The following BNIP5 variants were observed in gnomAD, a reference collection of about 807,000 sequenced individuals.
The protein encoded by BNIP5 is BCL2 interacting protein 5.
A neutral mutation model predicts 67.3 loss-of-function variants in BNIP5; 61 were observed. That is an observed-to-expected ratio of 0.91 (90% CI 0.74 to 1.12). The LOEUF (loss-of-function observed/expected upper bound fraction) is 1.12, where lower values mean the gene tolerates loss of function less well. Among genes scored for constraint, BNIP5 ranks in the 50% most tolerant of loss-of-function variants. The pLI is 0.00. For synonymous variants in BNIP5, 317 were observed against 319.0 expected, an observed-to-expected ratio of 0.99 and a Z score of 0.07; for missense variants, 826 against 816.3, an observed-to-expected ratio of 1.01 and a Z score of -0.14.
Position 36,330,355 on chromosome 6 carries a change from A to G in BNIP5, c.336T>C (p.Pro112=). 2 of 1,613,900 alleles carry G rather than the reference A, an allele frequency of 1.2e-6. No individual in the cohort carries two copies. Among genetic ancestry groups the G allele is most frequent in the Admixed American group, 1.7e-5 (1 of 60,006 alleles). ...TGCTGGCCTTTTCTCTGGGCTCCTC[A>G]GGGCCCGTCCTCACGAAGAAGTTCA... The part of the protein sequence containing the change: ...TMLNFFVRTG[P]EEPREKASRR... The change falls in exon 2 of 12, where the codon CCT becomes CCC. Residue 112 remains proline, a synonymous_variant. Coordinates refer to ENST00000437635, the MANE Select transcript of BNIP5 (RefSeq NM_001010903.5).
chr6:36,325,157 C>T, intron 6 of BNIP5, 126 bp downstream of exon 6: 8 of 1,058,236 alleles, frequency 7.6e-6, no homozygotes, highest in South Asian at 7.1e-5. Flanking sequence ...CCTCCCCAGC[C>T]TGCTGTACTC....
intron 1 of BNIP5, among the ~76,000 whole-genome samples, chr6:36,333,649 C>T (rs1245737833): frequency 2.6e-5 from 4 of 152,182 alleles, no homozygotes; most frequent in African/African-American, 2.4e-5. Flanking sequence ...TCTCTGAATG[C>T]GCAGGAATAA....
rs1561878776 is a variant in BNIP5, at chr6:36,316,122, G to T, written c.*1234C>A. 1 of 168,764 alleles carries T rather than the reference G, an allele frequency of 5.9e-6. No homozygotes were observed. The highest frequency in any genetic ancestry group is 1.3e-5 in the Non-Finnish European group (1 of 79,478). 10.5% of individuals were successfully genotyped at this position (168,764 alleles called of 1,614,324 possible). On this transcript the variant is annotated 3_prime_UTR_variant, in exon 12 of 12. Transcript: ENST00000437635. The stretch of plus-strand genomic sequence containing the variant: ...ACCCAGGGCCTCTCCGCTCTAGACT[G>T]CTCCTCCTCCCCAGTCCTACCCCAT...
intron 10 of BNIP5, 22 bp from the exon 11 acceptor site, chr6:36,319,632 G>C: frequency 6.2e-7 from 1 of 1,600,732 alleles, no homozygotes; most frequent in Non-Finnish European, 8.5e-7. Flanking sequence ...AATGAAAACA[G>C]GTCATTAGTG....
intron 9 of BNIP5, 105 bp from the exon 10 acceptor site, chr6:36,321,324 T>C: frequency 1.2e-6 from 1 of 819,420 alleles, no homozygotes; most frequent in Non-Finnish European, 2.1e-6. Flanking sequence ...AAAGACAATA[T>C]TTTCTCTCTA....
Position 36,319,447 on chromosome 6 carries a change from A to G in BNIP5, c.1832T>C (p.Phe611Ser). ...YQFDVSLANK[F>S]AGSNSHAMCI... ...CATGGCATGGCTGTTGCTGCCAGCAAATTTGTTAGCTAAGCTAACGTCAAA... is the reference window on the plus strand; with the variant it reads ...CATGGCATGGCTGTTGCTGCCAGCAGATTTGTTAGCTAAGCTAACGTCAAA... The change falls in exon 11 of 12, where the codon TTT becomes TCT. Residue 611 changes from phenylalanine to serine, a missense_variant. Coordinates refer to ENST00000437635, the MANE Select transcript of BNIP5 (RefSeq NM_001010903.5). The G allele has an allele frequency of 1.2e-6, 2 of 1,614,158 alleles. No individual in the cohort carries two copies. Among genetic ancestry groups the G allele is most frequent in the Non-Finnish European group, 1.7e-6 (2 of 1,180,018 alleles).
Position 36,330,373 on chromosome 6 carries a change from G to C in BNIP5, c.318C>G (p.Phe106Leu). 1 of 1,614,186 alleles carries C rather than the reference G, an allele frequency of 6.2e-7. No homozygotes were observed. The highest frequency in any genetic ancestry group is 2.2e-5 in the East Asian group (1 of 44,880). ...GCTCCTCAGGGCCCGTCCTCACGAA[G>C]AAGTTCAGCATGGTCTTCAGCCACC... Reference protein sequence around the residue: ...KKGWLKTMLNFFVRTGPEEPR... With the variant: ...KKGWLKTMLNLFVRTGPEEPR... Residue 106 changes from phenylalanine to leucine, a missense_variant, in exon 2 of 12, where the codon TTC (phenylalanine) becomes TTG (leucine). Physicochemically the swap from Phe to Leu is conservative, Grantham distance 22. Coordinates refer to ENST00000437635, the MANE Select transcript of BNIP5 (RefSeq NM_001010903.5).
At chr6:36,333,999 G>A (rs1771959731) in intron 1 of BNIP5, among the ~76,000 whole-genome samples, 1 of 152,290 alleles carries the variant, frequency 6.6e-6, no homozygotes, top group Middle Eastern at 3.4e-3. Flanking sequence ...GAGGACCGGC[G>A]CTTCCTTACC....
At chr6:36,336,244 A>T (rs1339670625) in intron 1 of BNIP5, among the ~76,000 whole-genome samples, 1 of 152,242 alleles carries the variant, frequency 6.6e-6, no homozygotes, top group Admixed American at 6.5e-5. Flanking sequence ...ACCATAGGTC[A>T]TAATAACACC....
At position 36,325,319 on chromosome 6, in the gene BNIP5, C is replaced by T; in HGVS notation, c.1132G>A (p.Gly378Arg). 1.2e-6 allele frequency: 2 copies of T among 1,614,204 alleles called. No homozygotes were observed. The highest frequency in any genetic ancestry group is 1.7e-6 in the Non-Finnish European group (2 of 1,180,028). Residue 378 changes from glycine (G) to arginine (R), a missense_variant, in exon 6 of 12, where the codon GGA becomes AGA. Transcript: ENST00000437635. ...GCTCTGTCCAGCGGAAGCTCCTCTC[C>T]AGGTTCCTGGCTCTCTGATGGGGTG... is the stretch of plus-strand genomic sequence containing the variant. ...LPTPSESQEP[G>R]EELPLDRASE...
chr6:36,330,626 G>A lies in BNIP5; in HGVS notation c.65C>T (p.Pro22Leu), dbSNP rs146454415. Residue 22 changes from proline (P) to leucine (L), a missense_variant, in exon 2 of 12, where the codon CCG (proline) becomes CTG (leucine). By Grantham distance (98) the Pro-to-Leu change is moderately conservative. Coordinates refer to ENST00000437635, the MANE Select transcript of BNIP5 (RefSeq NM_001010903.5). ...AEKKARSLDR[P>L]QAPGKGSESW... Reference sequence around the variant, plus strand: ...CTCCGAGCCTTTCCCGGGGGCCTGCGGCCTGTCCAGAGACCTGGCTTTCTT... The same window carrying A: ...CTCCGAGCCTTTCCCGGGGGCCTGCAGCCTGTCCAGAGACCTGGCTTTCTT... The A allele has an allele frequency of 4.1e-4, 657 of 1,608,396 alleles. 1 individual carries two copies. Among genetic ancestry groups the A allele is most frequent in the Middle Eastern group, 1.7e-3 (10 of 6,058 alleles).
chr6:36,331,910 G>GC (rs1188003191), intron 1 of BNIP5, among the ~76,000 whole-genome samples: 2 of 151,940 alleles, frequency 1.3e-5, no homozygotes, highest in Non-Finnish European at 2.9e-5. Context: ...CACCCTGACG[G>GC]CCCCCTGTGG....
chr6:36,330,991 C>T lies in BNIP5; in HGVS notation c.-4-297G>A, dbSNP rs868044414. On this transcript the variant is annotated intron_variant, in intron 1 of 11. Coordinates refer to ENST00000437635, the MANE Select transcript of BNIP5 (RefSeq NM_001010903.5). The stretch of plus-strand genomic sequence containing the variant: ...GTTGGCCAGGTTGGTCTTGAACTCC[C>T]GACCTCAGGTGATCCGCCTGCCTCG... Among the ~76,000 whole-genome samples, 43 of 152,160 alleles carry T rather than the reference C, an allele frequency of 2.8e-4. 1 individual carries two copies. Among genetic ancestry groups the T allele is most frequent in the Middle Eastern group, 3.4e-3 (1 of 294 alleles).
At chr6:36,321,122 G>C (rs1280536407) in intron 10 of BNIP5, 33 bp downstream of exon 10, 4 of 1,513,110 alleles carry the variant, frequency 2.6e-6, no homozygotes, top group Non-Finnish European at 3.6e-6. Flanking sequence ...TGAGGCCCTG[G>C]GGTTGGCCTG....
At chr6:36,325,435 G>A (rs374589838) in intron 5 of BNIP5, 21 bp from the exon 6 acceptor site, 8 of 1,601,296 alleles carry the variant, frequency 5.0e-6, no homozygotes, top group East Asian at 2.2e-5. Context: ...GAAGGAGAAC[G>A]AGGGTGTGTT....
intron 10 of BNIP5, 69 bp from the exon 11 acceptor site, chr6:36,319,679 A>G: frequency 6.5e-7 from 1 of 1,549,160 alleles, no homozygotes; most frequent in Non-Finnish European, 8.8e-7. Flanking sequence ...TGCCCCTCCC[A>G]CAACTCCATG....
intron 11 of BNIP5, among the ~76,000 whole-genome samples, chr6:36,317,657 T>A: frequency 6.6e-6 from 1 of 152,216 alleles, no homozygotes; most frequent in South Asian, 2.1e-4. Flanking sequence ...CAGCTACCAC[T>A]CATTTGGTAT....
chr6:36,326,860 G>A (rs969870294), intron 4 of BNIP5, 107 bp from the exon 5 acceptor site: 28 of 1,531,100 alleles, frequency 1.8e-5, no homozygotes, highest in Non-Finnish European at 2.4e-5. Flanking sequence ...CCCGAGAGAG[G>A]GGAGGCAGCA....
rs924965901 is a variant in BNIP5, at chr6:36,330,181, C to G, written c.510G>C (p.Lys170Asn). The G allele has an allele frequency of 1.9e-6, 3 of 1,614,098 alleles. No individual in the cohort carries two copies. The highest frequency in any genetic ancestry group is 2.2e-5 in the South Asian group (2 of 91,080). The change falls in exon 2 of 12, where the codon AAG (lysine) becomes AAC (asparagine). Residue 170 changes from lysine to asparagine, a missense_variant. Lys to Asn is a moderately conservative substitution (Grantham distance 94, BLOSUM62 0). Coordinates refer to ENST00000437635, the MANE Select transcript of BNIP5 (RefSeq NM_001010903.5). ...CTCTGGCCTCCTGGTCTTGAGCTGCCTTAGTCACCTCGGCCGCGTGTTTCT... is the reference window on the plus strand; with the variant it reads ...CTCTGGCCTCCTGGTCTTGAGCTGCGTTAGTCACCTCGGCCGCGTGTTTCT... ...GHKKHAAEVT[K>N]AAQDQEARGR...
Sources: allele counts gnomAD v4.1 joint callset (sites outside exome capture counted in the v4.1 genomes callset), GRCh38; gene constraint gnomAD v4.1.1; transcripts MANE v1.5; gene names NCBI Gene and HGNC (gene_info 2026-07-23, HGNC 2026-07-21).